Variants in DLG2 observed in about 807,000 individuals in gnomAD.
The protein encoded by DLG2 is discs large MAGUK scaffold protein 2.
Under a neutral mutation model 132.5 loss-of-function variants are expected in DLG2, and 45 were observed. The observed-to-expected ratio is 0.34, with a 90% CI of 0.27 to 0.44. DLG2 has a LOEUF of 0.44. Ranked by LOEUF, DLG2 falls within the 20% of genes least tolerant of loss-of-function variation. The probability of loss-of-function intolerance (pLI) is 1.00; values close to 1 mark genes in which losing one functional copy is unlikely to be tolerated. For missense variants in DLG2, 1,045 were observed against 1,196.9 expected (o/e 0.87, Z 1.87); for synonymous variants, 424 against 419.6 (o/e 1.01, Z -0.13).
chr11:85,188,624 A>G (rs1193134361), intron 4 of DLG2, among the ~76,000 whole-genome samples: 1 of 152,244 alleles, frequency 6.6e-6, no homozygotes, highest in Non-Finnish European at 1.5e-5. Flanking sequence ...AAGTATGACT[A>G]TAATGACTCA....
chr11:85,116,419 TTGTA>T (rs1016106022), intron 5 of DLG2, among the ~76,000 whole-genome samples: 13 of 152,058 alleles, frequency 8.5e-5, no homozygotes, highest in Middle Eastern at 6.8e-3. Flanking sequence ...ATATCTATAT[TTGTA>T]TGTATGTATC....
intron 11 of DLG2, among the ~76,000 whole-genome samples, chr11:84,050,264 T>C (rs978732475): frequency 1.3e-5 from 2 of 151,594 alleles, no homozygotes; most frequent in Admixed American, 6.6e-5. Context: ...CAATGAAGCC[T>C]ATTATAGTAC....
chr11:84,665,565 C>T (rs1162370243), intron 6 of DLG2, among the ~76,000 whole-genome samples: 1 of 152,130 alleles, frequency 6.6e-6, no homozygotes, highest in African/African-American at 2.4e-5. Flanking sequence ...ATTCATCCTC[C>T]ATGACCCATC....
intron 6 of DLG2, among the ~76,000 whole-genome samples, chr11:85,064,684 G>A (rs2064636823): frequency 6.6e-6 from 1 of 151,650 alleles, no homozygotes; most frequent in Non-Finnish European, 1.5e-5. Context: ...ATGTTGCTTT[G>A]AAGGTATTTT....
chr11:85,448,997 AACTC>A (rs2153040363), intron 3 of DLG2, among the ~76,000 whole-genome samples: 1 of 152,204 alleles, frequency 6.6e-6, no homozygotes, highest in East Asian at 1.9e-4. Context: ...TATCAAATGA[AACTC>A]AGTCATTATT....
At chr11:85,238,835 CT>C (rs887562807) in intron 4 of DLG2, among the ~76,000 whole-genome samples, 158 of 143,804 alleles carry the variant, frequency 1.1e-3, no homozygotes, top group South Asian at 8.9e-4. Context: ...ATTTTCTTTT[CT>C]TTTTTTTTTT....
At chr11:84,957,857 G>A (rs900057982) in intron 6 of DLG2, among the ~76,000 whole-genome samples, 1 of 152,184 alleles carries the variant, frequency 6.6e-6, no homozygotes, top group Non-Finnish European at 1.5e-5. Flanking sequence ...AAAGCCACAT[G>A]CTAACAAAAG....
At chr11:84,994,986 C>A (rs748753354) in intron 6 of DLG2, among the ~76,000 whole-genome samples, 2 of 152,062 alleles carry the variant, frequency 1.3e-5, no homozygotes, top group African/African-American at 2.4e-5. Context: ...CTGGAGACTT[C>A]TGAATGCAAG....
At chr11:84,939,306 A>G (rs2049109132) in intron 6 of DLG2, among the ~76,000 whole-genome samples, 1 of 152,198 alleles carries the variant, frequency 6.6e-6, no homozygotes, top group Admixed American at 6.5e-5. Context: ...TTTATGGTAT[A>G]TAAGATACCT....
At chr11:84,854,769 A>G (rs777886481) in intron 6 of DLG2, among the ~76,000 whole-genome samples, 2 of 152,048 alleles carry the variant, frequency 1.3e-5, no homozygotes, top group African/African-American at 2.4e-5. Context: ...AAAGCCTACT[A>G]TAAATCCTAC....
chr11:85,088,220 C>G (rs1377302), intron 6 of DLG2, among the ~76,000 whole-genome samples: 7 of 151,896 alleles, frequency 4.6e-5, no homozygotes, highest in Non-Finnish European at 7.4e-5. Context: ...CAGGTTCTGG[C>G]TATAGCAACT....
intron 18 of DLG2, among the ~76,000 whole-genome samples, chr11:83,686,253 T>C (rs2079738233): frequency 6.6e-6 from 1 of 152,184 alleles, no homozygotes; most frequent in Admixed American, 6.5e-5. Context: ...GAATTCCATC[T>C]GCTCAAGTGT....
intron 7 of DLG2, among the ~76,000 whole-genome samples, chr11:84,417,472 A>C (rs75218344): frequency 6.6e-6 from 1 of 152,228 alleles, no homozygotes; most frequent in East Asian, 1.9e-4. Context: ...AGCCTTCTTT[A>C]AATCATACAT....
intron 8 of DLG2, among the ~76,000 whole-genome samples, chr11:84,227,483 T>G (rs905732344): frequency 1.3e-5 from 2 of 152,194 alleles, no homozygotes; most frequent in Admixed American, 6.5e-5. Context: ...ATTTATTTTC[T>G]TTAATCACAG....
At chr11:83,588,385 A>C (rs1403400368) in intron 19 of DLG2, among the ~76,000 whole-genome samples, 1 of 151,918 alleles carries the variant, frequency 6.6e-6, no homozygotes. Flanking sequence ...CTGACACCTC[A>C]CACAGCAGGG....
At chr11:83,894,457 T>A (rs971283623) in intron 15 of DLG2, among the ~76,000 whole-genome samples, 2 of 152,210 alleles carry the variant, frequency 1.3e-5, no homozygotes, top group Admixed American at 1.3e-4. Context: ...AAAAATTTTT[T>A]AAAGATTTTG....
At chr11:85,280,936 C>A (rs1223223629) in intron 4 of DLG2, among the ~76,000 whole-genome samples, 1 of 151,986 alleles carries the variant, frequency 6.6e-6, no homozygotes, top group Non-Finnish European at 1.5e-5. Context: ...ACCAATCCAA[C>A]ACAGAATAGC....
Position 84,180,395 on chromosome 11 carries a change from G to A in DLG2, c.574-16884C>T, listed in dbSNP as rs542253551. ...TTAAGAAATGTGAGACATCTACAAA[G>A]GTGTAACATAAGCATAACAGAAATT... On this transcript the variant is annotated intron_variant, in intron 8 of 27. Transcript: ENST00000376104. Among the ~76,000 whole-genome samples, 71 of 152,040 alleles carry A rather than the reference G, an allele frequency of 4.7e-4. 1 individual carries two copies. The South Asian group carries it at 0.013, about 29-fold the overall frequency.
At chr11:85,372,080 G>A (rs1198811456) in intron 3 of DLG2, among the ~76,000 whole-genome samples, 2 of 152,148 alleles carry the variant, frequency 1.3e-5, no homozygotes, top group African/African-American at 2.4e-5. Context: ...GACTAACCCT[G>A]CTTGTTCCTT....
Sources: allele counts gnomAD v4.1 joint callset (sites outside exome capture counted in the v4.1 genomes callset), GRCh38; gene constraint gnomAD v4.1.1; transcripts MANE v1.5; gene names NCBI Gene and HGNC (gene_info 2026-07-23, HGNC 2026-07-21).